Variants in TAS2R1 observed in about 807,000 individuals in gnomAD.
The protein encoded by TAS2R1 is taste receptor type 2 member 1.
For synonymous variants in TAS2R1, 141 were observed against 134.2 expected (o/e 1.05, Z -0.35); for missense variants, 370 against 353.4 (o/e 1.05, Z -0.38).
chr5:9,889,165 G>C, the TAS2R1 span, among the ~76,000 whole-genome samples: 3 of 152,172 alleles, frequency 2.0e-5, no homozygotes, highest in African/African-American at 7.2e-5. Flanking sequence ...TACTGAAAGG[G>C]GGTCGGAGCT....
At position 9,635,885 on chromosome 5, in the gene TAS2R1, C is replaced by A. The variant is rs34748657; in HGVS notation, c.-80-5893G>T. On this transcript the variant is annotated intron_variant, in intron 2 of 2. Transcript: ENST00000506620. ...AATTTTGTTTATCCTTTCAAAGAACCAGCTTTTTGTTTCATTTATCTTTTT... is the reference window on the plus strand; with the variant it reads ...AATTTTGTTTATCCTTTCAAAGAACAAGCTTTTTGTTTCATTTATCTTTTT... Among the ~76,000 whole-genome samples, 806 of 152,018 alleles carry A rather than the reference C, an allele frequency of 5.3e-3. 6 individuals carry two copies. The highest frequency in any genetic ancestry group is 5.9e-3 in the Non-Finnish European group (402 of 67,904).
At chr5:9,840,387 C>T in the TAS2R1 span, among the ~76,000 whole-genome samples, 9,067 of 152,180 alleles carry the variant, frequency 0.06, 637 homozygotes, top group East Asian at 0.23. Flanking sequence ...TGTTTTTTAT[C>T]CTTCCCATCT....
chr5:9,647,737 T>C (rs1016395238), intron 2 of TAS2R1, among the ~76,000 whole-genome samples: 6 of 152,324 alleles, frequency 3.9e-5, no homozygotes, highest in Non-Finnish European at 7.4e-5. Context: ...CATGATAATA[T>C]AGAAGATTCA....
the TAS2R1 span, among the ~76,000 whole-genome samples, chr5:9,798,040 G>C: frequency 6.6e-6 from 1 of 152,164 alleles, no homozygotes; most frequent in Admixed American, 6.5e-5. Context: ...GAACATCCAC[G>C]CAATGGAATA....
the TAS2R1 span, among the ~76,000 whole-genome samples, chr5:9,818,611 G>A: frequency 6.6e-6 from 1 of 152,142 alleles, no homozygotes; most frequent in Non-Finnish European, 1.5e-5. Flanking sequence ...AGGCAAACCT[G>A]GGCTCTCTCA....
the TAS2R1 span, among the ~76,000 whole-genome samples, chr5:9,721,362 G>A: frequency 9.6e-3 from 1,463 of 152,266 alleles, 19 homozygotes; most frequent in African/African-American, 0.033. Flanking sequence ...GGTGTTCCCC[G>A]GTGCTGCTAG....
At chr5:9,850,675 G>A in the TAS2R1 span, among the ~76,000 whole-genome samples, 1 of 152,200 alleles carries the variant, frequency 6.6e-6, no homozygotes, top group African/African-American at 2.4e-5. Flanking sequence ...CCTTGAAATT[G>A]CCCTGCCCCA....
the TAS2R1 span, among the ~76,000 whole-genome samples, chr5:9,803,275 G>A: frequency 2.6e-5 from 4 of 152,196 alleles, no homozygotes. Context: ...AATAATTGGT[G>A]TTACTGAGGA....
chr5:9,840,062 G>A, the TAS2R1 span, among the ~76,000 whole-genome samples: 6 of 152,082 alleles, frequency 3.9e-5, no homozygotes, highest in African/African-American at 1.2e-4. Context: ...AAGAGTCAAC[G>A]TTTTGGACTC....
At chr5:9,887,184 C>T in the TAS2R1 span, among the ~76,000 whole-genome samples, 1 of 152,236 alleles carries the variant, frequency 6.6e-6, no homozygotes, top group Non-Finnish European at 1.5e-5. Flanking sequence ...AACTAAATGA[C>T]AACTTGATCA....
At chr5:9,685,571 A>C (rs961896883) in intron 1 of TAS2R1, among the ~76,000 whole-genome samples, 4 of 152,106 alleles carry the variant, frequency 2.6e-5, no homozygotes, top group African/African-American at 9.7e-5. Context: ...AGTACTCAAA[A>C]ATTTAAAAAC....
chr5:9,732,042 A>AT, the TAS2R1 span, among the ~76,000 whole-genome samples: 2 of 152,360 alleles, frequency 1.3e-5, no homozygotes, highest in East Asian at 3.9e-4. Flanking sequence ...GATGTTTACA[A>AT]TGTTTAAAAA....
the TAS2R1 span, among the ~76,000 whole-genome samples, chr5:9,800,622 G>T: frequency 1.3e-5 from 2 of 152,186 alleles, no homozygotes; most frequent in Non-Finnish European, 2.9e-5. Flanking sequence ...GTGAAGGGAG[G>T]AAGGGCCAGC....
the TAS2R1 span, among the ~76,000 whole-genome samples, chr5:9,725,062 G>A: frequency 3.9e-5 from 6 of 152,368 alleles, no homozygotes; most frequent in South Asian, 6.2e-4. Flanking sequence ...CCTAAAATCC[G>A]TAGTGTACAG....
At chr5:9,742,903 A>C in the TAS2R1 span, among the ~76,000 whole-genome samples, 1 of 152,190 alleles carries the variant, frequency 6.6e-6, no homozygotes, top group Non-Finnish European at 1.5e-5. Flanking sequence ...CTGAACCAAA[A>C]AAAAAGACAT....
the TAS2R1 span, among the ~76,000 whole-genome samples, chr5:9,877,603 T>C: frequency 1.3e-3 from 203 of 152,388 alleles, no homozygotes; most frequent in African/African-American, 4.7e-3. Context: ...CTGTCTCCAA[T>C]ATGCTGCTCT....
At chr5:9,860,231 C>G in the TAS2R1 span, among the ~76,000 whole-genome samples, 1 of 152,180 alleles carries the variant, frequency 6.6e-6, no homozygotes, top group Non-Finnish European at 1.5e-5. Flanking sequence ...TGGTGAAGGT[C>G]AAGTAACATT....
upstream of TAS2R1, among the ~76,000 whole-genome samples, chr5:9,716,539 C>T (rs1232832048): frequency 1.5e-5 from 1 of 67,892 alleles, no homozygotes; most frequent in Non-Finnish European, 3.1e-5. Context: ...GTAAACAGTA[C>T]ATATATTATA....
the TAS2R1 span, among the ~76,000 whole-genome samples, chr5:9,854,138 A>G: frequency 6.6e-6 from 1 of 152,146 alleles, no homozygotes; most frequent in Admixed American, 6.5e-5. Flanking sequence ...CAGCCTCTCT[A>G]GCTTCTAAAG....
Sources: gnomAD v4.1 joint callset for allele counts (sites outside exome capture counted in the v4.1 genomes callset) on GRCh38, gnomAD v4.1.1 for gene constraint, MANE v1.5 for transcripts, NCBI Gene and HGNC (gene_info 2026-07-23, HGNC 2026-07-21) for gene names.